The following ATL2 variants were observed in gnomAD, a reference collection of about 807,000 sequenced individuals.
ATL2 encodes atlastin GTPase 2.
ATL2 carries 31 observed loss-of-function variants against 73.9 expected under a neutral mutation model. That is an observed-to-expected ratio of 0.42 (90% CI 0.32 to 0.57). The LOEUF (loss-of-function observed/expected upper bound fraction) is 0.57. Ranked by LOEUF, ATL2 falls within the 20% of genes least tolerant of loss-of-function variation. The pLI is 0.14. For missense variants in ATL2, 738 were observed against 702.6 expected, an observed-to-expected ratio of 1.05 and a Z score of -0.57; for synonymous variants, 291 against 237.5, an observed-to-expected ratio of 1.23 and a Z score of -2.07.
chr2:38,326,898 G>A (rs1043033475), intron 2 of ATL2, among the ~76,000 whole-genome samples: 2 of 152,074 alleles, frequency 1.3e-5, no homozygotes, highest in Non-Finnish European at 2.9e-5. Flanking sequence ...TGAGGCAGGA[G>A]AATCACTTGA....
chr2:38,307,526 G>A (rs951942048), intron 9 of ATL2, among the ~76,000 whole-genome samples: 2 of 151,856 alleles, frequency 1.3e-5, no homozygotes, highest in Non-Finnish European at 2.9e-5. Flanking sequence ...AAAACATTGG[G>A]GAAACCTTCC....
intron 10 of ATL2, among the ~76,000 whole-genome samples, chr2:38,300,028 T>G (rs1331596004): frequency 6.6e-6 from 1 of 152,114 alleles, no homozygotes; most frequent in Non-Finnish European, 1.5e-5. Context: ...TTTGAGCATC[T>G]GAAGAGAAGG....
Position 38,309,451 on chromosome 2 carries a change from G to C in ATL2, c.999C>G (p.Ala333=), listed in dbSNP as rs759722159. 1.2e-6 allele frequency: 2 copies of C among 1,612,462 alleles called. No homozygotes were observed. Among genetic ancestry groups the C allele is most frequent in the Non-Finnish European group, 1.7e-6 (2 of 1,179,632 alleles). The change falls in exon 9 of 13, where the codon GCC becomes GCG. Residue 333 remains alanine, a synonymous_variant. Transcript: ENST00000378954. The part of the protein sequence containing the change: ...ELRNLVPLLL[A]PENLVEKEIS... ...TCTCTTTTTCTACCAAATTTTCAGG[G>C]GCAAGCAGCAATGGAACCAGATTTC...
intron 2 of ATL2, among the ~76,000 whole-genome samples, chr2:38,321,359 C>T (rs1364690115): frequency 6.6e-6 from 1 of 152,156 alleles, no homozygotes. Context: ...ATACCTACAA[C>T]TTAAAGACCT....
intron 1 of ATL2, among the ~76,000 whole-genome samples, chr2:38,361,042 C>T (rs1670984142): frequency 6.6e-6 from 1 of 151,694 alleles, no homozygotes; most frequent in African/African-American, 2.4e-5. Context: ...GCTTCCACAC[C>T]AACGTGGAAT....
intron 9 of ATL2, among the ~76,000 whole-genome samples, chr2:38,307,993 T>C (rs1667543501): frequency 1.3e-5 from 2 of 152,178 alleles, no homozygotes; most frequent in South Asian, 4.1e-4. Flanking sequence ...GGAATCTTCG[T>C]ACACTGTTGG....
At chr2:38,376,404 TTCAGAGTGA>T (rs1671969263) in intron 1 of ATL2, 2 of 446,002 alleles carry the variant, frequency 4.5e-6, no homozygotes, top group Admixed American at 3.7e-5. Context: ...TACAGACACT[TTCAGAGTGA>T]TCAGGCCTTA....
intron 2 of ATL2, among the ~76,000 whole-genome samples, chr2:38,334,028 C>CTTTTTTT (rs34303299): frequency 1.6e-5 from 2 of 121,654 alleles, no homozygotes; most frequent in African/African-American, 6.7e-5. Flanking sequence ...ATCCAATCCT[C>CTTTTTTT]TTTTTTTTTT....
chr2:38,296,046 T>A lies in ATL2; in HGVS notation c.1700A>T (p.Lys567Ile). 6.4e-7 allele frequency: 1 copy of A among 1,551,774 alleles called. No homozygotes were observed. Among genetic ancestry groups the A allele is most frequent in the Non-Finnish European group, 8.7e-7 (1 of 1,146,888 alleles). The change falls in exon 13 of 13, where the codon AAA (lysine) becomes ATA (isoleucine). Residue 567 changes from lysine (K) to isoleucine (I), a missense_variant. Physicochemically the swap from Lys to Ile is moderately radical, Grantham distance 102. Coordinates refer to ENST00000378954, the MANE Select transcript of ATL2 (RefSeq NM_001135673.4). ...AGACACCTGGTCAGTCAGGCCTGCT[T>A]TGATAGAGTTTGTTACAGACTGCCT... Reference protein sequence around the residue: ...NIRQSVTNSIKAGLTDQVSHH... With the variant: ...NIRQSVTNSIIAGLTDQVSHH...
At chr2:38,346,435 G>A (rs868288871) in intron 1 of ATL2, among the ~76,000 whole-genome samples, 5 of 152,016 alleles carry the variant, frequency 3.3e-5, no homozygotes, top group Non-Finnish European at 7.4e-5. Context: ...ATAAGGTCCC[G>A]TACTCACCGC....
intron 2 of ATL2, among the ~76,000 whole-genome samples, chr2:38,329,193 G>C (rs1456877846): frequency 6.7e-6 from 1 of 148,946 alleles, no homozygotes. Flanking sequence ...TTGGGAGGCC[G>C]AGATGGGCAG....
chr2:38,361,308 C>T lies in ATL2; in HGVS notation c.118+15835G>A, dbSNP rs539780802. On this transcript the variant is annotated intron_variant, in intron 1 of 12. Transcript: ENST00000378954. ...GGTGGAGCCTGCAGCGAGCCGAGAT[C>T]GCGCCACTGCACGCCAGCCTGGGTG... 1.9e-3 allele frequency among the ~76,000 whole-genome samples: 280 copies of T among 147,066 alleles called. 1 individual carries two copies. The highest frequency in any genetic ancestry group is 2.6e-3 in the Non-Finnish European group (178 of 67,380).
At position 38,309,524 on chromosome 2, in the gene ATL2, G is replaced by C. The variant is rs192822816; in HGVS notation, c.944-18C>G. ...ATCAATATCTAGAAAACAAAAAATT[G>C]AGCAACATATTAGTCCAAAAAAAAT... On this transcript the variant is annotated intron_variant, in intron 8 of 12. Transcript: ENST00000378954. 6.2e-7 allele frequency: 1 copy of C among 1,603,986 alleles called. No individual in the cohort carries two copies. The highest frequency in any genetic ancestry group is 8.5e-7 in the Non-Finnish European group (1 of 1,178,006).
At chr2:38,349,199 T>C (rs1342322993) in intron 1 of ATL2, among the ~76,000 whole-genome samples, 1 of 152,090 alleles carries the variant, frequency 6.6e-6, no homozygotes, top group Non-Finnish European at 1.5e-5. Flanking sequence ...CTATAAATCA[T>C]GCTGCTATAA....
chr2:38,377,235 C>G lies in ATL2; in HGVS notation c.26G>C (p.Arg9Pro), dbSNP rs1172261153. 1.9e-6 allele frequency: 3 copies of G among 1,598,352 alleles called. No homozygotes were observed. Among genetic ancestry groups the G allele is most frequent in the Admixed American group, 1.7e-5 (1 of 57,828 alleles). MAEGDEAA[R>P]GQQPHQGLWR... ...CAGCCCCTGGTGCGGTTGCTGCCCT[C>G]GCGCTGCCTCGTCCCCCTCCGCCAT... Residue 9 changes from arginine (R) to proline (P), a missense_variant, in exon 1 of 13, where the codon CGA (arginine) becomes CCA (proline). By Grantham distance (103) the Arg-to-Pro change is moderately radical. Transcript: ENST00000378954.
chr2:38,310,825 CA>C (rs1368722653), intron 7 of ATL2, among the ~76,000 whole-genome samples: 2 of 151,968 alleles, frequency 1.3e-5, no homozygotes, highest in Admixed American at 1.3e-4. Flanking sequence ...TTAGTAGAGA[CA>C]GGGTTGGTCA....
chr2:38,305,126 C>A (rs997816496), intron 9 of ATL2, among the ~76,000 whole-genome samples: 2 of 151,968 alleles, frequency 1.3e-5, no homozygotes, highest in Non-Finnish European at 2.9e-5. Context: ...CAAAGAAGGT[C>A]ATTATATAAT....
At chr2:38,333,230 A>G (rs1669105192) in intron 2 of ATL2, among the ~76,000 whole-genome samples, 1 of 152,042 alleles carries the variant, frequency 6.6e-6, no homozygotes. Context: ...TTGAGGCTTC[A>G]GTGAGCTGTG....
intron 1 of ATL2, among the ~76,000 whole-genome samples, chr2:38,361,960 C>G (rs1671040351): frequency 6.6e-6 from 1 of 152,200 alleles, no homozygotes; most frequent in Admixed American, 6.5e-5. Flanking sequence ...GCTGTTTCCA[C>G]TATACCAAAC....
Sources: gnomAD v4.1 joint callset for allele counts (sites outside exome capture counted in the v4.1 genomes callset) on GRCh38, gnomAD v4.1.1 for gene constraint, MANE v1.5 for transcripts, NCBI Gene and HGNC (gene_info 2026-07-23, HGNC 2026-07-21) for gene names.